Variants in PCDHA8 observed in about 807,000 individuals in gnomAD.
The protein encoded by PCDHA8 is protocadherin alpha 8, also known as protocadherin alpha-8.
PCDHA8 carries 53 observed loss-of-function variants against 61.8 expected under a neutral mutation model. The observed-to-expected ratio is 0.86, with a 90% CI of 0.69 to 1.08. The LOEUF is 1.08. Among genes scored for constraint, PCDHA8 ranks in the 50% least tolerant of loss-of-function variants. PCDHA8 has a pLI of 0.00. For missense variants in PCDHA8, 1,293 were observed against 1,245.0 expected (o/e 1.04, Z -0.58); for synonymous variants, 618 against 556.6 (o/e 1.11, Z -1.55).
intron 3 of PCDHA8, among the ~76,000 whole-genome samples, chr5:141,002,433 A>G (rs2098079655): frequency 6.6e-6 from 1 of 152,258 alleles, no homozygotes; most frequent in East Asian, 1.9e-4. Context: ...ACAGGCAATA[A>G]CCATAATAAT....
At chr5:140,985,044 T>G (rs183944640) in intron 3 of PCDHA8, among the ~76,000 whole-genome samples, 1 of 152,158 alleles carries the variant, frequency 6.6e-6, no homozygotes, top group Admixed American at 6.5e-5. Flanking sequence ...TTCAAGTGAT[T>G]CTCCTGCCTC....
intron 1 of PCDHA8, among the ~76,000 whole-genome samples, chr5:140,886,844 A>C (rs11748231): frequency 2.0e-5 from 3 of 150,634 alleles, no homozygotes; most frequent in African/African-American, 7.3e-5. Flanking sequence ...AAAAAAAAAA[A>C]AAAGAAAGGT....
rs1364118007 is a variant in PCDHA8 at position 140,899,089 on chromosome 5, G to T, written c.2394+55374G>T. Among the ~76,000 whole-genome samples the T allele has an allele frequency of 5.3e-5, 8 of 152,134 alleles. No individual in the cohort carries two copies. The East Asian group carries it at 1.5e-3, about 29-fold the overall frequency. On this transcript the variant is annotated intron_variant, in intron 1 of 3. Coordinates refer to ENST00000531613, the MANE Select transcript of PCDHA8 (RefSeq NM_018911.3). ...TGCTTATCAGCTTAAGGAGATTTTG[G>T]GCTGAGATAATGGGGTTTTCTAGAT...
At chr5:140,856,574 T>C in intron 1 of PCDHA8, 1 of 1,597,714 alleles carries the variant, frequency 6.3e-7, no homozygotes, top group Non-Finnish European at 8.6e-7. Flanking sequence ...TCCAAATGAG[T>C]ATTTTGTTCT....
Position 140,929,023 on chromosome 5 carries a change from C to G in PCDHA8, c.2395-49926C>G, listed in dbSNP as rs2085741813. On this transcript the variant is annotated intron_variant, in intron 1 of 3. Transcript: ENST00000531613. ...CGTGTGTACCAAGTTGCACCAGAGCCCAGGCTGTTGCGCTCAGAGCTGCTG... is the reference window on the plus strand; with the variant it reads ...CGTGTGTACCAAGTTGCACCAGAGCGCAGGCTGTTGCGCTCAGAGCTGCTG... 2.5e-6 allele frequency: 4 copies of G among 1,614,056 alleles called. No homozygotes were observed. The Admixed American group carries it at 6.7e-5, about 27-fold the overall frequency.
chr5:140,952,406 T>G (rs2094740405), intron 1 of PCDHA8, among the ~76,000 whole-genome samples: 1 of 151,900 alleles, frequency 6.6e-6, no homozygotes, highest in Admixed American at 6.6e-5. Flanking sequence ...ATTCTCAAAT[T>G]TAATGTTCCG....
intron 1 of PCDHA8, among the ~76,000 whole-genome samples, chr5:140,896,352 A>G (rs1045413506): frequency 2.6e-5 from 4 of 152,166 alleles, no homozygotes; most frequent in African/African-American, 4.8e-5. Flanking sequence ...TCCCGCCAGC[A>G]GTGTATAAGC....
chr5:140,999,450 A>G (rs2097858332), intron 3 of PCDHA8, among the ~76,000 whole-genome samples: 1 of 152,198 alleles, frequency 6.6e-6, no homozygotes, highest in Admixed American at 6.5e-5. Flanking sequence ...TATTCGTTCA[A>G]CGAATAAGTG....
chr5:140,843,712 C>T lies in PCDHA8; in HGVS notation c.2391C>T (p.Leu797=). The T allele has an allele frequency of 6.4e-7, 1 of 1,569,886 alleles. No homozygotes were observed. Among genetic ancestry groups the T allele is most frequent in the Non-Finnish European group, 8.7e-7 (1 of 1,144,038 alleles). The change falls in exon 1 of 4, where the codon CTC becomes CTT. Residue 797 remains leucine, a synonymous_variant. Coordinates refer to ENST00000531613, the MANE Select transcript of PCDHA8 (RefSeq NM_018911.3). ...AAGATTTAAATGTTGATCATGGCCT[C>T]AAAGTAAGTCCATTTAAATTTAGAA... The part of the protein sequence containing the change: ...EEQDLNVDHG[L]KPRQPNPDWR...
At position 140,849,556 on chromosome 5, in the gene PCDHA8, C is replaced by G. The variant is rs2150440514; in HGVS notation, c.2394+5841C>G. On this transcript the variant is annotated intron_variant, in intron 1 of 3. Coordinates refer to ENST00000531613, the MANE Select transcript of PCDHA8 (RefSeq NM_018911.3). ...AATGCTCCACAGTTGACTATCAAAA[C>G]GCTCTCGGTTCCTGTAAAAGAGGAC... 3.1e-6 allele frequency: 5 copies of G among 1,598,518 alleles called. 1 individual carries two copies. In the Middle Eastern group the frequency reaches 5.0e-4, roughly 160 times the overall value.
At chr5:140,871,679 A>G (rs2053261430) in intron 1 of PCDHA8, 2 of 1,116,800 alleles carry the variant, frequency 1.8e-6, no homozygotes, top group Admixed American at 3.1e-5. Flanking sequence ...TAATCATATG[A>G]ATAATCTGGC....
At chr5:140,903,916 T>C (rs1192195691) in intron 1 of PCDHA8, among the ~76,000 whole-genome samples, 1 of 152,260 alleles carries the variant, frequency 6.6e-6, no homozygotes, top group African/African-American at 2.4e-5. Flanking sequence ...TGTGACTTCC[T>C]TGCTGCATTG....
In PCDHA8 at chr5:140,842,489, A is replaced by G. The variant is rs1778000282; in HGVS notation, c.1168A>G (p.Met390Val). Residue 390 changes from methionine (M) to valine (V), a missense_variant, in exon 1 of 4, where the codon ATG (methionine) becomes GTG (valine). Coordinates refer to ENST00000531613, the MANE Select transcript of PCDHA8 (RefSeq NM_018911.3). Reference protein sequence around the residue: ...GANGQVTCSLMPHVPFKLVST... With the variant: ...GANGQVTCSLVPHVPFKLVST... ...CAACGGGCAGGTGACCTGCTCCCTGATGCCCCATGTCCCCTTCAAGCTGGT... is the reference window on the plus strand; with the variant it reads ...CAACGGGCAGGTGACCTGCTCCCTGGTGCCCCATGTCCCCTTCAAGCTGGT... 6.2e-7 allele frequency: 1 copy of G among 1,613,908 alleles called. No individual in the cohort carries two copies. The highest frequency in any genetic ancestry group is 1.6e-4 in the Middle Eastern group (1 of 6,062).
chr5:140,990,998 T>C (rs994699186), intron 3 of PCDHA8, among the ~76,000 whole-genome samples: 1 of 152,216 alleles, frequency 6.6e-6, no homozygotes, highest in Non-Finnish European at 1.5e-5. Flanking sequence ...CTACCATTTA[T>C]TGAGAACTGT....
At chr5:140,981,812 A>C (rs1563492177) in intron 2 of PCDHA8, among the ~76,000 whole-genome samples, 1 of 152,052 alleles carries the variant, frequency 6.6e-6, no homozygotes, top group African/African-American at 2.4e-5. Context: ...TTTATGTTCT[A>C]TCTCTGCTTG....
At chr5:140,885,970 A>G (rs1554182306) in intron 1 of PCDHA8, among the ~76,000 whole-genome samples, 1 of 152,122 alleles carries the variant, frequency 6.6e-6, no homozygotes, top group Non-Finnish European at 1.5e-5. Flanking sequence ...TTTTGAGATA[A>G]TTATAGATTC....
At chr5:140,867,360 T>C (rs1172405251) in intron 1 of PCDHA8, 1 of 152,152 alleles carries the variant, frequency 6.6e-6, no homozygotes, top group Non-Finnish European at 1.5e-5. Flanking sequence ...TTGATTATTT[T>C]ACAGATGCGT....
At chr5:140,863,220 G>C in intron 1 of PCDHA8, 1 of 1,115,318 alleles carries the variant, frequency 9.0e-7, no homozygotes, top group African/African-American at 1.6e-5. Flanking sequence ...GCCAAGCGAG[G>C]AAGGTCCCAT....
At chr5:140,884,239 C>A (rs781996098) in intron 1 of PCDHA8, 1 of 1,613,424 alleles carries the variant, frequency 6.2e-7, no homozygotes, top group South Asian at 1.1e-5. Flanking sequence ...ACGGTGAGCC[C>A]GCGCTGACGG....
Sources: allele counts gnomAD v4.1 joint callset (sites outside exome capture counted in the v4.1 genomes callset), GRCh38; gene constraint gnomAD v4.1.1; transcripts MANE v1.5; gene names NCBI Gene and HGNC (gene_info 2026-07-23, HGNC 2026-07-21).